MAML3: variants seen among roughly 807,000 people sequenced by gnomAD.
MAML3 encodes mastermind like transcriptional coactivator 3.
MAML3 carries 27 observed loss-of-function variants against 101.9 expected under a neutral mutation model. That is an observed-to-expected ratio of 0.27 (90% CI 0.20 to 0.37). The LOEUF (loss-of-function observed/expected upper bound fraction) is 0.37, where lower values mean the gene tolerates loss of function less well. Ranked by LOEUF, MAML3 falls within the 10% of genes least tolerant of loss-of-function variation. MAML3 has a pLI of 1.00. For missense variants in MAML3, 1,316 were observed against 1,444.9 expected, an observed-to-expected ratio of 0.91 and a Z score of 1.45; for synonymous variants, 501 against 555.9, an observed-to-expected ratio of 0.90 and a Z score of 1.39.
At chr4:139,892,863 G>A (rs1348204444) in intron 1 of MAML3, among the ~76,000 whole-genome samples, 1 of 150,548 alleles carries the variant, frequency 6.6e-6, no homozygotes, top group Non-Finnish European at 1.5e-5. Flanking sequence ...CCCGGGAGGT[G>A]GAGCTTGCAG....
At chr4:140,046,984 T>C (rs989527079) in intron 1 of MAML3, among the ~76,000 whole-genome samples, 1 of 151,954 alleles carries the variant, frequency 6.6e-6, no homozygotes, top group Non-Finnish European at 1.5e-5. Context: ...AAGTAGAAGG[T>C]GGAAAGTTCT....
intron 1 of MAML3, among the ~76,000 whole-genome samples, chr4:140,120,868 T>C (rs997224047): frequency 3.3e-5 from 5 of 152,208 alleles, no homozygotes; most frequent in African/African-American, 4.8e-5. Context: ...ATGGGTTACA[T>C]TGTGGCAATC....
intron 1 of MAML3, among the ~76,000 whole-genome samples, chr4:140,088,729 C>T (rs1431508125): frequency 6.6e-6 from 1 of 151,994 alleles, no homozygotes; most frequent in Admixed American, 6.6e-5. Flanking sequence ...TATTTAAAAG[C>T]TTCTTAAGGA....
Position 139,939,795 on chromosome 4 carries a change from C to T in MAML3, c.469-48828G>A, listed in dbSNP as rs988125937. Among the ~76,000 whole-genome samples, 12 of 144,004 alleles carry T rather than the reference C, an allele frequency of 8.3e-5. No individual in the cohort carries two copies. In the East Asian group the frequency reaches 1.4e-3, roughly 17 times the overall value. 94.5% of individuals were successfully genotyped at this position (144,004 alleles called of 152,430 possible). A position where few individuals can be genotyped will look rare whatever the true frequency, so the allele number is the denominator to read the frequency against. On this transcript the variant is annotated intron_variant, in intron 1 of 4. Transcript: ENST00000509479. ...TTTTTTTTTTTTTGAGATGGAGTCTCGCACTATCATCCAGGCTGGAGTGCA... is the reference window on the plus strand; with the variant it reads ...TTTTTTTTTTTTTGAGATGGAGTCTTGCACTATCATCCAGGCTGGAGTGCA...
intron 2 of MAML3, among the ~76,000 whole-genome samples, chr4:139,755,424 C>T (rs1006654925): frequency 1.3e-4 from 20 of 152,060 alleles, no homozygotes; most frequent in East Asian, 5.8e-4. Flanking sequence ...CTGGCTAATA[C>T]GGTGAAACCC....
chr4:139,781,508 C>CATATATATATAT lies in MAML3; in HGVS notation c.2080-50853_2080-50842dup, dbSNP rs10568513. 7.9e-3 allele frequency among the ~76,000 whole-genome samples: 1,079 copies of CATATATATATAT among 136,988 alleles called. 22 individuals are homozygous for CATATATATATAT. Among genetic ancestry groups the CATATATATATAT allele is most frequent in the African/African-American group, 0.025 (963 of 38,174 alleles). The allele number at this position is 136,988 out of a possible 152,430, so 89.9% of individuals were successfully genotyped here. A position where few individuals can be genotyped will look rare whatever the true frequency, so the allele number is the denominator to read the frequency against. On this transcript the variant is annotated intron_variant, in intron 2 of 4. Transcript: ENST00000509479. ...TCTTCTAATGATCGCAGAGCATTTTCATATATATATATATATATATATAGT... is the reference window on the plus strand; with the variant it reads ...TCTTCTAATGATCGCAGAGCATTTTCATATATATATATATATATATATATATATATATATAGT...
Position 139,915,050 on chromosome 4 carries a change from T to G in MAML3, c.469-24083A>C, listed in dbSNP as rs1475168202. On this transcript the variant is annotated intron_variant, in intron 1 of 4. Transcript: ENST00000509479. ...TGAATCTAAAATCATTCAATTACCT[T>G]AAGTCAACCGGGAGGCTTATATTTA... 2.0e-5 allele frequency among the ~76,000 whole-genome samples: 3 copies of G among 152,190 alleles called. No individual in the cohort carries two copies. The East Asian group carries it at 5.8e-4, about 29-fold the overall frequency.
intron 1 of MAML3, among the ~76,000 whole-genome samples, chr4:139,939,780 T>TC (rs1463867689): frequency 1.3e-5 from 2 of 151,162 alleles, no homozygotes; most frequent in Non-Finnish European, 3.0e-5. Context: ...TTTTTTTTTT[T>TC]TTGAGATGGA....
intron 1 of MAML3, among the ~76,000 whole-genome samples, chr4:140,063,590 C>A (rs1293147563): frequency 3.3e-5 from 5 of 152,112 alleles, no homozygotes; most frequent in African/African-American, 1.2e-4. Flanking sequence ...GGCCAATATT[C>A]CCTTTTATAG....
At chr4:139,909,062 G>A (rs73854887) in intron 1 of MAML3, among the ~76,000 whole-genome samples, 2,358 of 152,240 alleles carry the variant, frequency 0.015, 63 homozygotes, top group African/African-American at 0.052. Context: ...AGAGGTTTGC[G>A]TGGAGGTCTG....
chr4:139,864,970 T>C (rs1731869979), intron 2 of MAML3, among the ~76,000 whole-genome samples: 2 of 145,284 alleles, frequency 1.4e-5, no homozygotes, highest in Non-Finnish European at 3.0e-5. Flanking sequence ...AAGCTTTACT[T>C]GTTATGTTCT....
At chr4:140,144,891 G>A (rs769834138) in intron 1 of MAML3, among the ~76,000 whole-genome samples, 1 of 152,124 alleles carries the variant, frequency 6.6e-6, no homozygotes, top group South Asian at 2.1e-4. Context: ...CTTAACACTA[G>A]TTCAAGCCCT....
chr4:140,005,012 G>A (rs1726422610), intron 1 of MAML3, among the ~76,000 whole-genome samples: 1 of 152,188 alleles, frequency 6.6e-6, no homozygotes, highest in African/African-American at 2.4e-5. Flanking sequence ...CAGCAAAGTA[G>A]CTAAAATCTG....
chr4:140,012,772 A>C (rs17314304), intron 1 of MAML3, among the ~76,000 whole-genome samples: 65,194 of 152,068 alleles, frequency 0.43, 15,118 homozygotes, highest in East Asian at 0.65. Context: ...AATTATGCAG[A>C]TATCCAATGA....
At chr4:139,723,112 T>C (rs1181227246) in intron 4 of MAML3, among the ~76,000 whole-genome samples, 3 of 152,256 alleles carry the variant, frequency 2.0e-5, no homozygotes, top group African/African-American at 7.2e-5. Context: ...CATATCTATA[T>C]GAGTGCGAAA....
At chr4:140,027,791 T>A (rs958651411) in intron 1 of MAML3, among the ~76,000 whole-genome samples, 2 of 152,232 alleles carry the variant, frequency 1.3e-5, no homozygotes, top group Non-Finnish European at 2.9e-5. Flanking sequence ...CTAGATTTCA[T>A]GAGACCTGCT....
intron 1 of MAML3, among the ~76,000 whole-genome samples, chr4:140,080,065 C>T (rs895875090): frequency 2.6e-5 from 4 of 152,106 alleles, no homozygotes; most frequent in African/African-American, 7.2e-5. Context: ...ATGATGAATA[C>T]GGAGTGTATG....
In MAML3 at chr4:139,973,970, TTACA is replaced by T. The variant is rs564339487; in HGVS notation, c.469-83007_469-83004del. Reference sequence around the variant, plus strand: ...GCAAATCCCTAAAATTCAAGCCAAATTACATACAAGTATTTTACATAGCTTTTTG... The same window carrying T: ...GCAAATCCCTAAAATTCAAGCCAAATTACAAGTATTTTACATAGCTTTTTG... On this transcript the variant is annotated intron_variant, in intron 1 of 4. Transcript: ENST00000509479. Among the ~76,000 whole-genome samples the T allele has an allele frequency of 1.4e-4, 22 of 152,340 alleles. No individual in the cohort carries two copies. The Middle Eastern group carries it at 0.01, about 71-fold the overall frequency.
At chr4:140,060,777 T>C (rs1009479399) in intron 1 of MAML3, among the ~76,000 whole-genome samples, 11 of 152,208 alleles carry the variant, frequency 7.2e-5, no homozygotes, top group South Asian at 4.1e-4. Context: ...AGGTATTGAA[T>C]ATTTTGTTAT....
Sources: allele counts gnomAD v4.1 joint callset (sites outside exome capture counted in the v4.1 genomes callset), GRCh38; gene constraint gnomAD v4.1.1; transcripts MANE v1.5; gene names NCBI Gene and HGNC (gene_info 2026-07-23, HGNC 2026-07-21).